Variants in CLEC16A observed in about 807,000 individuals in gnomAD.
CLEC16A encodes the protein C-type lectin domain containing 16A, also known as protein CLEC16A.
In CLEC16A, 51 loss-of-function variants were observed where a neutral mutation model predicts 109.5. The observed-to-expected ratio is 0.47, with a 90% CI of 0.37 to 0.59. The LOEUF (loss-of-function observed/expected upper bound fraction) is 0.59. Ranked by LOEUF, CLEC16A falls within the 20% of genes least tolerant of loss-of-function variation. The probability of loss-of-function intolerance (pLI) is 0.00; values close to 1 mark genes in which losing one functional copy is unlikely to be tolerated. For missense variants in CLEC16A, 1,339 were observed against 1,394.0 expected, an observed-to-expected ratio of 0.96 and a Z score of 0.63; for synonymous variants, 673 against 564.2, an observed-to-expected ratio of 1.19 and a Z score of -2.73.
chr16:11,021,049 T>G (rs1459344517), intron 12 of CLEC16A, among the ~76,000 whole-genome samples: 4 of 152,166 alleles, frequency 2.6e-5, no homozygotes, highest in Admixed American at 1.3e-4. Context: ...TGTTCATAAA[T>G]GCACCACACC....
chr16:11,056,818 C>G (rs927883126), intron 18 of CLEC16A: 1 of 152,196 alleles, frequency 6.6e-6, no homozygotes, highest in Non-Finnish European at 1.5e-5. Context: ...TTGTGCTCCT[C>G]CTATCTTTGT....
chr16:11,102,833 T>C (rs1365618447), intron 19 of CLEC16A, among the ~76,000 whole-genome samples: 2 of 152,250 alleles, frequency 1.3e-5, no homozygotes, highest in African/African-American at 2.4e-5. Context: ...ACAAACATCA[T>C]TGAGTTTTCA....
At chr16:10,990,908 C>T (rs1004489415) in intron 10 of CLEC16A, among the ~76,000 whole-genome samples, 7 of 152,146 alleles carry the variant, frequency 4.6e-5, no homozygotes, top group African/African-American at 1.7e-4. Flanking sequence ...CCAGCCTCTT[C>T]GGATATTTGT....
At chr16:11,130,920 A>G (rs188811359) in intron 22 of CLEC16A, among the ~76,000 whole-genome samples, 29 of 152,324 alleles carry the variant, frequency 1.9e-4, no homozygotes, top group African/African-American at 7.0e-4. Flanking sequence ...ATTGTATTTG[A>G]TGAAAATATG....
chr16:11,123,919 A>G lies in CLEC16A; in HGVS notation c.2446A>G (p.Arg816Gly). The G allele has an allele frequency of 1.2e-6, 2 of 1,612,730 alleles. No individual in the cohort carries two copies. Among genetic ancestry groups the G allele is most frequent in the Non-Finnish European group, 1.7e-6 (2 of 1,179,390 alleles). Residue 816 changes from arginine to glycine, a missense_variant, in exon 21 of 24, where the codon AGG becomes GGG. Transcript: ENST00000409790. ...CCTGGCCAAAGGCCGCATCCAGGCA[A>G]GGCGCATGAAGATGCAGAGAATAGC... ...QRLAKGRIQA[R>G]RMKMQRIAAL... is the part of the protein sequence containing the mutation.
intron 19 of CLEC16A, among the ~76,000 whole-genome samples, chr16:11,114,430 T>A (rs2051829068): frequency 6.6e-6 from 1 of 152,132 alleles, no homozygotes. Flanking sequence ...TCAGCTGCAC[T>A]GGCCTCTCCT....
intron 10 of CLEC16A, among the ~76,000 whole-genome samples, chr16:10,988,855 T>C (rs909900796): frequency 3.3e-5 from 5 of 152,228 alleles, no homozygotes; most frequent in African/African-American, 1.2e-4. Context: ...AGCCTTTTTA[T>C]GTACACAGCA....
chr16:11,151,880 G>A (rs1270559728), intron 22 of CLEC16A, among the ~76,000 whole-genome samples: 1 of 152,194 alleles, frequency 6.6e-6, no homozygotes, highest in African/African-American at 2.4e-5. Flanking sequence ...GCCAACTTTT[G>A]ATAGCTTTTT....
At chr16:11,152,777 G>A (rs1490239329) in intron 22 of CLEC16A, among the ~76,000 whole-genome samples, 3 of 152,146 alleles carry the variant, frequency 2.0e-5, no homozygotes, top group Non-Finnish European at 4.4e-5. Flanking sequence ...AGGTGGTGAC[G>A]GCATCTTTCC....
In CLEC16A at chr16:11,027,632, A is replaced by G. The variant is rs566344121; in HGVS notation, c.1537+2711A>G. 2.7e-5 allele frequency: 42 copies of G among 1,556,542 alleles called. No individual in the cohort carries two copies. In the African/African-American group the frequency reaches 3.0e-4, roughly 11 times the overall value. ...CAGGGAAGCATTTCCAGGAGATCTC[A>G]TGGTTCTTGCGCCCTTTCCACCTCT... On this transcript the variant is annotated intron_variant, in intron 13 of 23. Transcript: ENST00000409790.
intron 15 of CLEC16A, among the ~76,000 whole-genome samples, chr16:11,043,252 C>CT (rs1192187208): frequency 2.6e-5 from 4 of 151,940 alleles, no homozygotes; most frequent in African/African-American, 9.7e-5. Context: ...GACCCTATCT[C>CT]TAAAAAAACA....
chr16:11,157,173 T>C (rs2054565142), intron 22 of CLEC16A: 1 of 1,267,254 alleles, frequency 7.9e-7, no homozygotes, highest in African/African-American at 1.6e-5. Context: ...TTTTTGTATG[T>C]TGGACATGTT....
intron 19 of CLEC16A, among the ~76,000 whole-genome samples, chr16:11,083,781 G>A (rs1381281028): frequency 6.6e-6 from 1 of 152,236 alleles, no homozygotes; most frequent in Admixed American, 6.5e-5. Flanking sequence ...CCTGCTGCCT[G>A]TGGCGCTCCC....
chr16:10,964,971 CTG>C (rs1453860861), intron 3 of CLEC16A, among the ~76,000 whole-genome samples: 3 of 152,186 alleles, frequency 2.0e-5, no homozygotes, highest in African/African-American at 4.8e-5. Flanking sequence ...CCTGTAGTCA[CTG>C]TGCTGTACAT....
At chr16:11,143,426 G>T (rs2053927103) in intron 22 of CLEC16A, among the ~76,000 whole-genome samples, 1 of 152,136 alleles carries the variant, frequency 6.6e-6, no homozygotes, top group Admixed American at 6.5e-5. Context: ...AATGTACAGG[G>T]TCAGTCCAGT....
In CLEC16A at chr16:10,944,600, C is replaced by T; in HGVS notation, c.-118C>T. Reference sequence around the variant, plus strand: ...GTGGGCCGGGGAGGAAGGCGGCTCGCGGTTCCTCCACCGCCTCCGCCGCCG... The same window carrying T: ...GTGGGCCGGGGAGGAAGGCGGCTCGTGGTTCCTCCACCGCCTCCGCCGCCG... On this transcript the variant is annotated 5_prime_UTR_variant, in exon 1 of 24. Transcript: ENST00000409790. The T allele has an allele frequency of 5.1e-6, 5 of 976,852 alleles. No homozygotes were observed. Among genetic ancestry groups the T allele is most frequent in the Middle Eastern group, 2.8e-4 (1 of 3,532 alleles). The allele number at this position is 976,852 out of a possible 1,614,324, so 60.5% of individuals were successfully genotyped here. A position where few individuals can be genotyped will look rare whatever the true frequency, so the allele number is the denominator to read the frequency against.
At chr16:10,958,344 C>G (rs963603412) in intron 2 of CLEC16A, among the ~76,000 whole-genome samples, 1 of 152,128 alleles carries the variant, frequency 6.6e-6, no homozygotes, top group Non-Finnish European at 1.5e-5. Flanking sequence ...CCCACCCACC[C>G]CATGGTAGAG....
intron 12 of CLEC16A, among the ~76,000 whole-genome samples, chr16:11,020,717 A>G (rs1256895138): frequency 6.6e-6 from 1 of 152,230 alleles, no homozygotes; most frequent in Non-Finnish European, 1.5e-5. Flanking sequence ...CCTGCCCTGC[A>G]CACACAAACA....
chr16:11,175,232 G>A (rs115803221), intron 23 of CLEC16A, among the ~76,000 whole-genome samples: 360 of 152,330 alleles, frequency 2.4e-3, no homozygotes, highest in African/African-American at 8.3e-3. Context: ...CCAGGCACAT[G>A]GGGGACCTGC....
Sources: gnomAD v4.1 joint callset for allele counts (sites outside exome capture counted in the v4.1 genomes callset) on GRCh38, gnomAD v4.1.1 for gene constraint, MANE v1.5 for transcripts, NCBI Gene and HGNC (gene_info 2026-07-23, HGNC 2026-07-21) for gene names.